Variants in ABHD6 observed in about 807,000 individuals in gnomAD.
ABHD6 encodes the protein abhydrolase domain containing 6, acylglycerol lipase.
ABHD6 carries 33 observed loss-of-function variants against 38.8 expected under a neutral mutation model. The ratio of observed to expected loss-of-function variants is 0.85; its 90% CI spans 0.64 to 1.14. ABHD6 has a LOEUF of 1.14. ABHD6 is among the 50% of genes most tolerant of loss of function. The pLI, the probability that ABHD6 is intolerant of heterozygous loss-of-function variation, is 0.00. For missense variants in ABHD6, 380 were observed against 422.6 expected, an observed-to-expected ratio of 0.90 and a Z score of 0.88; for synonymous variants, 147 against 161.6, an observed-to-expected ratio of 0.91 and a Z score of 0.69.
chr3:58,240,972 T>C (rs2138243), intron 1 of ABHD6, among the ~76,000 whole-genome samples: 115,054 of 151,790 alleles, frequency 0.76, 44,731 homozygotes, highest in East Asian at 1. Flanking sequence ...TCAGGTGATC[T>C]GCCCGCCTCT....
intron 1 of ABHD6, among the ~76,000 whole-genome samples, chr3:58,248,085 T>G (rs1200062105): frequency 6.6e-6 from 1 of 152,192 alleles, no homozygotes; most frequent in Non-Finnish European, 1.5e-5. Context: ...TCACTCTCTG[T>G]TTTTCAGTGT....
intron 9 of ABHD6, among the ~76,000 whole-genome samples, chr3:58,289,886 C>G (rs1442817377): frequency 5.5e-5 from 8 of 146,394 alleles, no homozygotes; most frequent in African/African-American, 2.1e-4. Flanking sequence ...ACCTCCCTCC[C>G]GGACGGGGTG....
chr3:58,246,898 T>C (rs1252491875), intron 1 of ABHD6, among the ~76,000 whole-genome samples: 1 of 152,170 alleles, frequency 6.6e-6, no homozygotes, highest in East Asian at 1.9e-4. Flanking sequence ...CGCCAGTCAT[T>C]GAATGTTAAT....
Position 58,267,564 on chromosome 3 carries a change from C to CT in ABHD6, c.276+220dup, listed in dbSNP as rs2097442009. Among the ~76,000 whole-genome samples, 1 of 151,910 alleles carries CT rather than the reference C, an allele frequency of 6.6e-6. No individual in the cohort carries two copies. The highest frequency in any genetic ancestry group is 6.6e-5 in the Admixed American group (1 of 15,238). ...CCTGTAGTCCTGGCTACTCAGGAGA[C>CT]TGAGGTGGGAAGATTGCTTGAGCCT... On this transcript the variant is annotated intron_variant, in intron 4 of 9. Coordinates refer to ENST00000478253, the MANE Select transcript of ABHD6 (RefSeq NM_001320126.2). This position sits in a 1 kb window ranked among gnomAD's most constrained non-coding sequence, Gnocchi z 4.3.
rs2097433557 is a variant in ABHD6, at chr3:58,256,638, A to G, written c.52A>G (p.Ile18Val). Residue 18 changes from isoleucine (I) to valine (V), a missense_variant, in exon 3 of 10, where the codon ATC (isoleucine) becomes GTC (valine). Ile to Val is a conservative substitution (Grantham distance 29, BLOSUM62 3). Transcript: ENST00000478253. The surrounding 1 kb of genome is among the most constrained non-coding windows in gnomAD (Gnocchi z 4.3). Reference sequence around the variant, plus strand: ...TGTGATTGCGGGCGGCACGCTGGCCATCCCAATCCTGGCATTTGTGGCTTC... The same window carrying G: ...TGTGATTGCGGGCGGCACGCTGGCCGTCCCAATCCTGGCATTTGTGGCTTC... ...MFVIAGGTLA[I>V]PILAFVASFL... The G allele has an allele frequency of 6.2e-7, 1 of 1,613,868 alleles. No individual in the cohort carries two copies. Among genetic ancestry groups the G allele is most frequent in the Non-Finnish European group, 8.5e-7 (1 of 1,180,052 alleles).
chr3:58,290,607 TCCTCACTTCTCAGACAGGGCGGTTGCC>T (rs2097461759), intron 9 of ABHD6, among the ~76,000 whole-genome samples: 1 of 142,354 alleles, frequency 7.0e-6, no homozygotes, highest in South Asian at 2.3e-4. Flanking sequence ...GCGGAGGGGC[TCCTCACTTCTCAGACAGGGCGGTTGCC>T]GGGCGGAGGG....
chr3:58,254,887 T>C (rs1479413726), intron 2 of ABHD6, among the ~76,000 whole-genome samples: 10 of 151,608 alleles, frequency 6.6e-5, no homozygotes, highest in Non-Finnish European at 1.0e-4. Flanking sequence ...CACACACATA[T>C]ATATATATAA....
At chr3:58,290,590 C>T (rs1346537254) in intron 9 of ABHD6, among the ~76,000 whole-genome samples, 3 of 144,574 alleles carry the variant, frequency 2.1e-5, no homozygotes, top group Non-Finnish European at 4.6e-5. Flanking sequence ...GACGGGGTGG[C>T]TGCCGGGCGG....
intron 9 of ABHD6, among the ~76,000 whole-genome samples, chr3:58,288,897 A>G (rs961595430): frequency 2.6e-5 from 4 of 152,216 alleles, no homozygotes; most frequent in Non-Finnish European, 5.9e-5. Flanking sequence ...TTTTTTTAAC[A>G]TACTGCACTA....
In ABHD6 at chr3:58,279,032, A is replaced by G. The variant is rs181318703; in HGVS notation, c.681+4217A>G. ...TGCTTTACTTCCAATTATGTGGTCA[A>G]TTTTAGAATAAGTGTGATGTGGTGC... On this transcript the variant is annotated intron_variant, in intron 7 of 9. Transcript: ENST00000478253. 4.2e-3 allele frequency among the ~76,000 whole-genome samples: 632 copies of G among 152,278 alleles called. 5 individuals are homozygous for G. Among genetic ancestry groups the G allele is most frequent in the African/African-American group, 0.015 (609 of 41,550 alleles).
intron 3 of ABHD6, among the ~76,000 whole-genome samples, chr3:58,260,781 G>A (rs2097436416): frequency 6.6e-6 from 1 of 152,198 alleles, no homozygotes. Context: ...CCGCTGCCCT[G>A]CCATATGAGC....
At position 58,257,305 on chromosome 3, in the gene ABHD6, G is replaced by A. The variant is rs774116817; in HGVS notation, c.119+600G>A. 4.0e-5 allele frequency among the ~76,000 whole-genome samples: 6 copies of A among 151,808 alleles called. No homozygotes were observed. The highest frequency in any genetic ancestry group is 8.8e-5 in the Non-Finnish European group (6 of 67,962). ...GTACATTTTTATGGGAACTCCTTTGGTATCTTCTTGATCATTGGTTGTTTT... is the reference window on the plus strand; with the variant it reads ...GTACATTTTTATGGGAACTCCTTTGATATCTTCTTGATCATTGGTTGTTTT... On this transcript the variant is annotated intron_variant, in intron 3 of 9. Coordinates refer to ENST00000478253, the MANE Select transcript of ABHD6 (RefSeq NM_001320126.2). This position sits in a 1 kb window ranked among gnomAD's most constrained non-coding sequence, Gnocchi z 4.8.
rs143519704 is a variant in ABHD6 at position 58,243,426 on chromosome 3, T to C, written c.-91+5510T>C. Among the ~76,000 whole-genome samples, 88 of 152,066 alleles carry C rather than the reference T, an allele frequency of 5.8e-4. 2 individuals carry two copies. The highest frequency in any genetic ancestry group is 3.4e-3 in the Middle Eastern group (1 of 294). Reference sequence around the variant, plus strand: ...ATACTGTGGGGCATGGAGGATGAAATAGAGATTACTGGGGGATTGAGGAAA... The same window carrying C: ...ATACTGTGGGGCATGGAGGATGAAACAGAGATTACTGGGGGATTGAGGAAA... On this transcript the variant is annotated intron_variant, in intron 1 of 9. Transcript: ENST00000478253.
Position 58,250,389 on chromosome 3 carries a change from G to A in ABHD6, c.-26+447G>A, listed in dbSNP as rs180839586. Among the ~76,000 whole-genome samples the A allele has an allele frequency of 3.9e-5, 6 of 152,294 alleles. No individual in the cohort carries two copies. In the East Asian group the frequency reaches 5.8e-4, roughly 15 times the overall value. The stretch of plus-strand genomic sequence containing the variant: ...GGTTATTTGGAGTGCAGGCAAAGAC[G>A]TGGGAGTCAGGACTGGGAAGTTGAG... On this transcript the variant is annotated intron_variant, in intron 2 of 9. Transcript: ENST00000478253.
Position 58,263,932 on chromosome 3 carries a change from C to T in ABHD6, c.120-3257C>T, listed in dbSNP as rs2097438919. 6.6e-6 allele frequency among the ~76,000 whole-genome samples: 1 copy of T among 152,174 alleles called. No homozygotes were observed. Among genetic ancestry groups the T allele is most frequent in the African/African-American group, 2.4e-5 (1 of 41,448 alleles). Reference sequence around the variant, plus strand: ...TTTCTTCAATGCTTCTTTTGCTCTTCCCACCTCTCTCCCCCACCACTTCAT... The same window carrying T: ...TTTCTTCAATGCTTCTTTTGCTCTTTCCACCTCTCTCCCCCACCACTTCAT... On this transcript the variant is annotated intron_variant, in intron 3 of 9. Coordinates refer to ENST00000478253, the MANE Select transcript of ABHD6 (RefSeq NM_001320126.2). This position sits in a 1 kb window ranked among gnomAD's most constrained non-coding sequence, Gnocchi z 4.9.
At chr3:58,262,595 T>A (rs1363977658) in intron 3 of ABHD6, among the ~76,000 whole-genome samples, 3 of 152,260 alleles carry the variant, frequency 2.0e-5, no homozygotes, top group Non-Finnish European at 4.4e-5. Flanking sequence ...TTCTTCTCTT[T>A]GTTTCTGTTC....
intron 9 of ABHD6, among the ~76,000 whole-genome samples, chr3:58,286,078 G>T (rs565383193): frequency 6.6e-6 from 1 of 152,030 alleles, no homozygotes; most frequent in East Asian, 1.9e-4. Context: ...GGAGTGCAGT[G>T]GCACAATCTC....
chr3:58,267,067 G>A lies in ABHD6; in HGVS notation c.120-122G>A, dbSNP rs1012023896. ...GACTCTAGAGACTGATGGAGGACAA[G>A]GGCTGGAGAAGTGTTTGTGTTATCA... On this transcript the variant is annotated intron_variant, in intron 3 of 9. Transcript: ENST00000478253. The surrounding 1 kb of genome is among the most constrained non-coding windows in gnomAD (Gnocchi z 4.3). 1.8e-6 allele frequency: 2 copies of A among 1,086,120 alleles called. No homozygotes were observed. The highest frequency in any genetic ancestry group is 1.3e-6 in the Non-Finnish European group (1 of 748,864). 67.3% of individuals were successfully genotyped at this position (1,086,120 alleles called of 1,614,324 possible).
At chr3:58,260,484 G>A (rs566371975) in intron 3 of ABHD6, among the ~76,000 whole-genome samples, 61 of 152,286 alleles carry the variant, frequency 4.0e-4, no homozygotes, top group African/African-American at 1.4e-3. Flanking sequence ...GCAATCCTGT[G>A]AGGCACTTCC....
Sources: allele counts gnomAD v4.1 joint callset (sites outside exome capture counted in the v4.1 genomes callset), GRCh38; gene constraint gnomAD v4.1.1; non-coding constraint Gnocchi (gnomAD v3.1); transcripts MANE v1.5; gene names NCBI Gene and HGNC (gene_info 2026-07-23, HGNC 2026-07-21).